The following ASMTL variants were observed in gnomAD, a reference collection of about 807,000 sequenced individuals.
The protein encoded by ASMTL is acetylserotonin O-methyltransferase like, also known as probable bifunctional dTTP/UTP pyrophosphatase/methyltransferase protein.
Under a neutral mutation model 60.3 loss-of-function variants are expected in ASMTL, and 57 were observed. The observed-to-expected ratio is 0.95, with a 90% CI of 0.76 to 1.18. The LOEUF (loss-of-function observed/expected upper bound fraction) is 1.18, where lower values mean the gene tolerates loss of function less well. Ranked by LOEUF, ASMTL falls within the 50% of genes most tolerant of loss-of-function variation. ASMTL has a pLI of 0.00. For missense variants in ASMTL, 981 were observed against 852.6 expected (o/e 1.15, Z -1.88); for synonymous variants, 419 against 373.0 (o/e 1.12, Z -1.42).
intron 12 of ASMTL, among the ~76,000 whole-genome samples, chrX:1,411,240 G>GGGGA (rs1556653967): frequency 1.3e-5 from 2 of 151,964 alleles, no homozygotes; most frequent in Admixed American, 6.6e-5. Flanking sequence ...AGAGACAGAG[G>GGGGA]GAGAGAAGAA....
intron 3 of ASMTL, among the ~76,000 whole-genome samples, chrX:1,437,710 A>C (rs1471288907): frequency 6.6e-6 from 1 of 151,744 alleles, no homozygotes; most frequent in Non-Finnish European, 1.5e-5. Flanking sequence ...ATCCTGGCCA[A>C]CATGGTGAAA....
At chrX:1,418,726 G>A (rs1422824238) in intron 10 of ASMTL, among the ~76,000 whole-genome samples, 3 of 152,108 alleles carry the variant, frequency 2.0e-5, no homozygotes, top group African/African-American at 7.2e-5. Flanking sequence ...GGAATCCAGG[G>A]GTTCCAAGGT....
intron 3 of ASMTL, among the ~76,000 whole-genome samples, chrX:1,438,881 C>T (rs1258099247): frequency 2.0e-5 from 3 of 152,200 alleles, no homozygotes; most frequent in African/African-American, 7.2e-5. Flanking sequence ...CCCACCTCGG[C>T]CTCCCAAAAT....
intron 3 of ASMTL, among the ~76,000 whole-genome samples, chrX:1,437,764 G>A (rs1279308149): frequency 2.8e-4 from 43 of 151,304 alleles, no homozygotes; most frequent in East Asian, 1.4e-3. Context: ...ACACGTGGTC[G>A]CGCGCACCTG....
chrX:1,403,933 T>A (rs1275636638), intron 12 of ASMTL, among the ~76,000 whole-genome samples: 6 of 151,078 alleles, frequency 4.0e-5, no homozygotes, highest in Non-Finnish European at 8.9e-5. Flanking sequence ...AGATGGTAGA[T>A]GATGGGTAGG....
chrX:1,419,073 C>T lies in ASMTL; in HGVS notation c.1287G>A (p.Met429Ile), dbSNP rs756003059. 1.7e-5 allele frequency: 27 copies of T among 1,611,256 alleles called. No homozygotes were observed. The highest frequency in any genetic ancestry group is 2.1e-5 in the Non-Finnish European group (25 of 1,179,576). Residue 429 changes from methionine (M) to isoleucine (I), a missense_variant, in exon 10 of 13, where the codon ATG (methionine) becomes ATA (isoleucine). Met to Ile is a conservative substitution (Grantham distance 10). Transcript: ENST00000381317. Reference sequence around the variant, plus strand: ...GCTTCGTCATGCCGTGCATGGCCCGCATGAACCTCAGCCGCGTCTCCGGGC... The same window carrying T: ...GCTTCGTCATGCCGTGCATGGCCCGTATGAACCTCAGCCGCGTCTCCGGGC... ...YQSPETRLRF[M>I]RAMHGMTKLT...
rs1202083771 is a variant in ASMTL, at chrX:1,442,178, C to A, written c.225+8G>T. Reference sequence around the variant, plus strand: ...TTTCATAAGGGCCGAAGGGCAGGGGCCCCTTGCCTGGTACAGCCGGTTGGC... The same window carrying A: ...TTTCATAAGGGCCGAAGGGCAGGGGACCCTTGCCTGGTACAGCCGGTTGGC... On this transcript the variant is annotated splice_region_variant and intron_variant, in intron 2 of 12. Coordinates refer to ENST00000381317, the MANE Select transcript of ASMTL (RefSeq NM_004192.4). 6.2e-7 allele frequency: 1 copy of A among 1,613,314 alleles called. No homozygotes were observed.
chrX:1,425,768 C>T, intron 7 of ASMTL, 81 bp from the exon 8 acceptor site: 1 of 1,451,118 alleles, frequency 6.9e-7, no homozygotes, highest in African/African-American at 1.4e-5. Context: ...AGATGGAGGC[C>T]AACGCTGTCG....
chrX:1,428,729 G>A (rs2090685968), intron 6 of ASMTL, among the ~76,000 whole-genome samples: 1 of 148,552 alleles, frequency 6.7e-6, no homozygotes, highest in Non-Finnish European at 1.5e-5. Context: ...ATTAAATCAA[G>A]CCAATTATCC....
intron 5 of ASMTL, among the ~76,000 whole-genome samples, chrX:1,434,366 T>C (rs2090901937): frequency 6.6e-6 from 1 of 151,694 alleles, no homozygotes; most frequent in Non-Finnish European, 1.5e-5. Flanking sequence ...GGCGTGTGCC[T>C]GTAGTTTCTG....
At chrX:1,442,940 G>A (rs755060215) in intron 1 of ASMTL, among the ~76,000 whole-genome samples, 10 of 152,242 alleles carry the variant, frequency 6.6e-5, no homozygotes, top group African/African-American at 2.4e-4. Flanking sequence ...AGGGTGCAGG[G>A]AACTCCGCAT....
chrX:1,416,928 A>G (rs1353012221), intron 11 of ASMTL, among the ~76,000 whole-genome samples: 3 of 151,952 alleles, frequency 2.0e-5, no homozygotes, highest in African/African-American at 7.3e-5. Context: ...AGGTGCACAC[A>G]CACACACGGA....
intron 9 of ASMTL, 58 bp from the exon 10 acceptor site, chrX:1,419,172 C>G (rs1196131196): frequency 6.3e-7 from 1 of 1,589,532 alleles, no homozygotes; most frequent in Non-Finnish European, 8.6e-7. Flanking sequence ...GCTCGCCCAG[C>G]CTCTCCCTGG....
chrX:1,434,032 G>A (rs374445662), intron 5 of ASMTL, among the ~76,000 whole-genome samples: 1 of 152,172 alleles, frequency 6.6e-6, no homozygotes, highest in Non-Finnish European at 1.5e-5. Context: ...GGTCCCATGG[G>A]ACCCGGCCCT....
At chrX:1,440,336 C>T (rs781679899) in intron 2 of ASMTL, among the ~76,000 whole-genome samples, 200 of 152,114 alleles carry the variant, frequency 1.3e-3, no homozygotes, top group African/African-American at 4.6e-3. Flanking sequence ...GTGATCCGCC[C>T]GCCTCGGCCT....
rs374923603 is a variant in ASMTL at position 1,427,976 on chromosome X, C to T, written c.655G>A (p.Asp219Asn). The change falls in exon 7 of 13, where the codon GAC becomes AAC. Residue 219 changes from aspartate (D) to asparagine (N), a missense_variant. Asp to Asn is a conservative substitution (Grantham distance 23, BLOSUM62 1). Transcript: ENST00000381317. ...TCGTGCTTGACACTCCGCCGCAGGT[C>T]CTCCGGACGGGGCGGGTAGTAGAGC... ...VKLYYPPRPEDLRRSVKHDSI... is the reference protein window; with the variant it reads ...VKLYYPPRPENLRRSVKHDSI... The T allele has an allele frequency of 5.0e-6, 8 of 1,613,482 alleles. No individual in the cohort carries two copies. Among genetic ancestry groups the T allele is most frequent in the Non-Finnish European group, 4.2e-6 (5 of 1,179,856 alleles).
At chrX:1,435,175 G>T in intron 4 of ASMTL, 92 bp from the exon 5 acceptor site, 1 of 1,332,752 alleles carries the variant, frequency 7.5e-7, no homozygotes, top group Non-Finnish European at 1.1e-6. Context: ...GCAGCGAGGC[G>T]TCCTTAATCC....
intron 11 of ASMTL, among the ~76,000 whole-genome samples, chrX:1,415,071 G>A (rs62605744): frequency 0.88 from 132,968 of 151,712 alleles, 60,556 homozygotes; most frequent in East Asian, 1. Flanking sequence ...CTCCTGAATA[G>A]GTGGGATTAT....
chrX:1,410,940 C>T (rs1336128675), intron 12 of ASMTL, among the ~76,000 whole-genome samples: 3 of 151,838 alleles, frequency 2.0e-5, no homozygotes, highest in Non-Finnish European at 4.4e-5. Context: ...AATCCCAACA[C>T]TTTGGGAGTC....
Sources: allele counts gnomAD v4.1 joint callset (sites outside exome capture counted in the v4.1 genomes callset), GRCh38; gene constraint gnomAD v4.1.1; transcripts MANE v1.5; gene names NCBI Gene and HGNC (gene_info 2026-07-23, HGNC 2026-07-21).